The following VPS13B variants were observed in gnomAD, a reference collection of about 807,000 sequenced individuals.
VPS13B encodes the protein vacuolar protein sorting 13 homolog B, also known as intermembrane lipid transfer protein VPS13B.
A neutral mutation model predicts 426.4 loss-of-function variants in VPS13B; 285 were observed. The ratio of observed to expected loss-of-function variants is 0.67; its 90% CI spans 0.61 to 0.74. The LOEUF is 0.74. Among genes scored for constraint, VPS13B ranks in the 30% least tolerant of loss-of-function variants. The pLI, the probability that VPS13B is intolerant of heterozygous loss-of-function variation, is 0.00. For synonymous variants in VPS13B, 1,676 were observed against 1,676.4 expected (o/e 1.00, Z 0.01); for missense variants, 4,537 against 4,782.6 (o/e 0.95, Z 1.51).
intron 30 of VPS13B, among the ~76,000 whole-genome samples, chr8:99,550,939 G>A (rs1824250270): frequency 6.6e-6 from 1 of 152,052 alleles, no homozygotes; most frequent in Non-Finnish European, 1.5e-5. Flanking sequence ...ACTGAGGCTA[G>A]CTTTATGGCC....
chr8:99,863,299 C>T (rs913666102), intron 58 of VPS13B, among the ~76,000 whole-genome samples: 1 of 152,040 alleles, frequency 6.6e-6, no homozygotes, highest in Admixed American at 6.5e-5. Flanking sequence ...ATTTGAGCAA[C>T]GGCAGTAATA....
chr8:99,867,598 A>T (rs7840626), intron 58 of VPS13B, among the ~76,000 whole-genome samples: 31,570 of 152,038 alleles, frequency 0.21, 3,739 homozygotes, highest in African/African-American at 0.32. Flanking sequence ...CTGTACACTT[A>T]ACAGCTGTGT....
intron 16 of VPS13B, among the ~76,000 whole-genome samples, chr8:99,181,758 A>G (rs928808321): frequency 3.3e-5 from 5 of 152,138 alleles, no homozygotes; most frequent in Non-Finnish European, 7.4e-5. Context: ...TGACATGCCA[A>G]AAAGGAAAAG....
chr8:99,556,310 T>C, intron 30 of VPS13B, 140 bp from the exon 31 acceptor site: 1 of 870,306 alleles, frequency 1.1e-6, no homozygotes. Context: ...ACCTTTTTCA[T>C]AGATGTGCCC....
chr8:99,019,011 C>G (rs1183682588), intron 2 of VPS13B, among the ~76,000 whole-genome samples: 1 of 151,998 alleles, frequency 6.6e-6, no homozygotes, highest in Non-Finnish European at 1.5e-5. Flanking sequence ...ATAAGTGATA[C>G]TAGCCTATGA....
At chr8:99,240,400 A>G (rs1328166085) in intron 17 of VPS13B, among the ~76,000 whole-genome samples, 1 of 152,216 alleles carries the variant, frequency 6.6e-6, no homozygotes, top group Non-Finnish European at 1.5e-5. Flanking sequence ...TTACAGTCTG[A>G]TACAGCAGCA....
At chr8:99,287,798 G>A (rs1819525944) in intron 19 of VPS13B, among the ~76,000 whole-genome samples, 1 of 151,926 alleles carries the variant, frequency 6.6e-6, no homozygotes, top group South Asian at 2.1e-4. Flanking sequence ...ATTGATAAAT[G>A]TTTACTAAAT....
chr8:99,414,716 T>G (rs998244171), intron 21 of VPS13B, among the ~76,000 whole-genome samples: 11 of 152,220 alleles, frequency 7.2e-5, no homozygotes, highest in African/African-American at 2.7e-4. Flanking sequence ...GGTTGAAAAT[T>G]CTTTTCTTTG....
intron 2 of VPS13B, among the ~76,000 whole-genome samples, chr8:99,034,174 G>A (rs1343258869): frequency 6.6e-6 from 1 of 152,076 alleles, no homozygotes; most frequent in Non-Finnish European, 1.5e-5. Context: ...GACTTGCCTC[G>A]ACTAATTTTG....
At chr8:99,423,050 T>G in intron 21 of VPS13B, among the ~76,000 whole-genome samples, 1 of 152,192 alleles carries the variant, frequency 6.6e-6, no homozygotes. Context: ...TATTTCCAAA[T>G]TAGCTGTTTC....
chr8:99,352,996 T>A (rs1160612096), intron 19 of VPS13B, among the ~76,000 whole-genome samples: 3 of 151,870 alleles, frequency 2.0e-5, no homozygotes, highest in African/African-American at 2.4e-5. Context: ...TATTATTATT[T>A]TTTGGAGACA....
intron 43 of VPS13B, among the ~76,000 whole-genome samples, chr8:99,790,387 A>T (rs1285089865): frequency 6.6e-6 from 1 of 151,924 alleles, no homozygotes; most frequent in African/African-American, 2.4e-5. Context: ...CCTCACATTC[A>T]TTTTTTTAAT....
chr8:99,032,551 A>G lies in VPS13B; in HGVS notation c.148-5872A>G, dbSNP rs1432817084. Among the ~76,000 whole-genome samples the G allele has an allele frequency of 2.3e-4, 31 of 135,022 alleles. 1 individual carries two copies. Among genetic ancestry groups the G allele is most frequent in the Non-Finnish European group, 4.2e-4 (27 of 64,652 alleles). The allele number at this position is 135,022 out of a possible 152,430, so 88.6% of individuals were successfully genotyped here. On this transcript the variant is annotated intron_variant, in intron 2 of 61. Coordinates refer to ENST00000357162, the MANE Select transcript of VPS13B (RefSeq NM_152564.5). Reference sequence around the variant, plus strand: ...TCTTTTCTTTTTTTTTTTTTTTGAGACAGAGTCTCGCTCTGTTACCCAGGC... The same window carrying G: ...TCTTTTCTTTTTTTTTTTTTTTGAGGCAGAGTCTCGCTCTGTTACCCAGGC...
intron 8 of VPS13B, among the ~76,000 whole-genome samples, chr8:99,125,327 A>G (rs182680362): frequency 6.6e-6 from 1 of 152,094 alleles, no homozygotes; most frequent in East Asian, 1.9e-4. Context: ...GCGAAAGATG[A>G]AGGCCGGAAG....
At chr8:99,314,730 C>G (rs556180164) in intron 19 of VPS13B, among the ~76,000 whole-genome samples, 1 of 152,082 alleles carries the variant, frequency 6.6e-6, no homozygotes, top group Non-Finnish European at 1.5e-5. Flanking sequence ...GGATTATGAG[C>G]GAGAACCACT....
chr8:99,303,730 C>CAAA (rs58708195), intron 19 of VPS13B, among the ~76,000 whole-genome samples: 8 of 63,714 alleles, frequency 1.3e-4, no homozygotes, highest in African/African-American at 3.5e-4. Flanking sequence ...GACTCCGTCT[C>CAAA]AAAAAAAAAA....
At chr8:99,099,669 GA>G in intron 4 of VPS13B, among the ~76,000 whole-genome samples, 1 of 152,288 alleles carries the variant, frequency 6.6e-6, no homozygotes, top group Middle Eastern at 3.4e-3. Context: ...TAGGATGGAG[GA>G]CATTGGAGAA....
chr8:99,479,186 G>A (rs1819906794), intron 24 of VPS13B, among the ~76,000 whole-genome samples: 1 of 152,014 alleles, frequency 6.6e-6, no homozygotes, highest in African/African-American at 2.4e-5. Flanking sequence ...TTTCTGAGTA[G>A]AATGACTTTG....
intron 17 of VPS13B, among the ~76,000 whole-genome samples, chr8:99,220,780 C>CTTTTT (rs5893485): frequency 8.1e-3 from 901 of 111,912 alleles, no homozygotes; most frequent in South Asian, 0.01. Context: ...TAGTTTTATT[C>CTTTTT]TTTTTTTTTT....
Sources: gnomAD v4.1 joint callset for allele counts (sites outside exome capture counted in the v4.1 genomes callset) on GRCh38, gnomAD v4.1.1 for gene constraint, MANE v1.5 for transcripts, NCBI Gene and HGNC (gene_info 2026-07-23, HGNC 2026-07-21) for gene names.